The following CCDC28A variants were observed in gnomAD, a reference collection of about 807,000 sequenced individuals.
CCDC28A encodes the protein coiled-coil domain-containing protein 28A.
A neutral mutation model predicts 22.1 loss-of-function variants in CCDC28A; 24 were observed. The observed-to-expected ratio is 1.09, with a 90% confidence interval of 0.79 to 1.53. CCDC28A has a LOEUF of 1.53. CCDC28A is among the 40% of genes most tolerant of loss of function. The pLI is 0.00. For synonymous variants in CCDC28A, 83 were observed against 74.7 expected (o/e 1.11, Z -0.57); for missense variants, 170 against 210.7 (o/e 0.81, Z 1.20).
intron 5 of CCDC28A, among the ~76,000 whole-genome samples, 180 bp downstream of exon 5, chr6:138,788,568 C>CATTTT (rs1775126888): frequency 1.1e-5 from 1 of 92,980 alleles, no homozygotes; most frequent in African/African-American, 5.1e-5. Context: ...TTTTTCTTTT[C>CATTTT]TTTTTTTTTT....
chr6:138,779,780 T>A (rs1400424881), intron 2 of CCDC28A, 42 bp from the exon 3 acceptor site: 1 of 1,515,576 alleles, frequency 6.6e-7, no homozygotes, highest in Non-Finnish European at 8.9e-7. Flanking sequence ...AAAAGCTTAA[T>A]CTAGAATAGC....
At chr6:138,777,094 A>G (rs1477728607) in intron 2 of CCDC28A, among the ~76,000 whole-genome samples, 1 of 152,188 alleles carries the variant, frequency 6.6e-6, no homozygotes, top group Non-Finnish European at 1.5e-5. Flanking sequence ...TTATAGCTTT[A>G]GAGGAAAAAA....
At chr6:138,783,876 C>CT (rs577197452) in intron 3 of CCDC28A, among the ~76,000 whole-genome samples, 4,867 of 125,436 alleles carry the variant, frequency 0.039, 173 homozygotes, top group Non-Finnish European at 0.045. Flanking sequence ...AGCCAGAACT[C>CT]TTTTTTTTTT....
At chr6:138,788,973 G>A (rs188329456) in intron 5 of CCDC28A, among the ~76,000 whole-genome samples, 99 of 152,160 alleles carry the variant, frequency 6.5e-4, no homozygotes, top group Non-Finnish European at 1.1e-3. Flanking sequence ...TCATCACATA[G>A]GATATTTTAG....
At chr6:138,791,658 C>G (rs1211990181) in intron 5 of CCDC28A, among the ~76,000 whole-genome samples, 1 of 152,148 alleles carries the variant, frequency 6.6e-6, no homozygotes, top group Non-Finnish European at 1.5e-5. Flanking sequence ...TCAGGTTGTA[C>G]CTCCTACCTA....
chr6:138,784,058 T>TAAAA (rs1775058861), intron 3 of CCDC28A, among the ~76,000 whole-genome samples: 3 of 151,922 alleles, frequency 2.0e-5, no homozygotes, highest in Admixed American at 2.0e-4. Flanking sequence ...GCTGATTTTT[T>TAAAA]GTATTTTTAG....
chr6:138,779,910 T>C lies in CCDC28A; in HGVS notation c.247T>C (p.Ser83Pro). 6.2e-7 allele frequency: 1 copy of C among 1,614,002 alleles called. No homozygotes were observed. The highest frequency in any genetic ancestry group is 8.5e-7 in the Non-Finnish European group (1 of 1,179,866). Residue 83 changes from serine (S) to proline (P), a missense_variant, in exon 3 of 6, where the codon TCA (serine) becomes CCA (proline). Physicochemically the swap from Ser to Pro is moderately conservative, Grantham distance 74 (BLOSUM62 -1). Transcript: ENST00000617445. Reference protein sequence around the residue: ...PIQHSFLTDVSDVQEMERGLL... With the variant: ...PIQHSFLTDVPDVQEMERGLL... The stretch of plus-strand genomic sequence containing the variant: ...CCAGCACTCCTTCCTCACTGATGTC[T>C]CAGATGTTCAGGAGATGGAGAGAGG...
At chr6:138,782,575 CTT>C (rs1316194016) in intron 3 of CCDC28A, among the ~76,000 whole-genome samples, 20 of 152,312 alleles carry the variant, frequency 1.3e-4, no homozygotes, top group African/African-American at 4.1e-4. Context: ...ATTTCTACCT[CTT>C]TATATTTTTA....
At chr6:138,785,515 A>G in intron 4 of CCDC28A, 134 bp downstream of exon 4, 1 of 631,156 alleles carries the variant, frequency 1.6e-6, no homozygotes, top group Middle Eastern at 2.6e-4. Context: ...TCGCTGTTGA[A>G]TTGCGGAACA....
chr6:138,783,294 TAG>T, intron 3 of CCDC28A, among the ~76,000 whole-genome samples: 1 of 142,852 alleles, frequency 7.0e-6, no homozygotes, highest in East Asian at 2.1e-4. Context: ...TTTTTTGAGA[TAG>T]AGTCTCTGTC....
intron 2 of CCDC28A, 144 bp downstream of exon 2, chr6:138,776,422 T>A: frequency 3.1e-6 from 2 of 650,792 alleles, no homozygotes; most frequent in Non-Finnish European, 5.3e-6. Flanking sequence ...AAGAAAAATT[T>A]ATGAAAGTTA....
intron 3 of CCDC28A, among the ~76,000 whole-genome samples, chr6:138,784,278 T>A (rs1456242643): frequency 1.3e-5 from 2 of 152,180 alleles, no homozygotes; most frequent in Non-Finnish European, 2.9e-5. Context: ...GGTGCTGTTT[T>A]GCTTCTACAT....
intron 2 of CCDC28A, among the ~76,000 whole-genome samples, chr6:138,777,456 C>T (rs371458095): frequency 2.4e-4 from 37 of 152,210 alleles, no homozygotes; most frequent in African/African-American, 3.6e-4. Flanking sequence ...AAAAAGAAAA[C>T]GAAGAGATTT....
At chr6:138,779,391 G>A (rs966919617) in intron 2 of CCDC28A, among the ~76,000 whole-genome samples, 1 of 152,092 alleles carries the variant, frequency 6.6e-6, no homozygotes, top group Non-Finnish European at 1.5e-5. Context: ...CTCTTTAGAC[G>A]GGGCATTTGT....
chr6:138,786,592 C>T (rs1775096208), intron 4 of CCDC28A, among the ~76,000 whole-genome samples: 1 of 152,112 alleles, frequency 6.6e-6, no homozygotes, highest in African/African-American at 2.4e-5. Flanking sequence ...CTTACTCAGT[C>T]TTGCAAGTAT....
intron 2 of CCDC28A, among the ~76,000 whole-genome samples, chr6:138,778,546 A>G (rs1051220343): frequency 6.6e-6 from 1 of 152,224 alleles, no homozygotes; most frequent in Admixed American, 6.5e-5. Context: ...GGCCTTCCTG[A>G]GGAAATAGCA....
chr6:138,790,314 C>A (rs35030927), intron 5 of CCDC28A, among the ~76,000 whole-genome samples: 37,794 of 151,976 alleles, frequency 0.25, 5,858 homozygotes, highest in East Asian at 0.62. Context: ...CCACGTCCAG[C>A]TAATTTTTGT....
At chr6:138,786,782 A>C (rs1357088622) in intron 4 of CCDC28A, among the ~76,000 whole-genome samples, 1 of 152,024 alleles carries the variant, frequency 6.6e-6, no homozygotes, top group Admixed American at 6.5e-5. Context: ...CGCCCAGCTA[A>C]TTTTTTTATT....
At chr6:138,786,814 C>G (rs574645030) in intron 4 of CCDC28A, among the ~76,000 whole-genome samples, 17 of 152,316 alleles carry the variant, frequency 1.1e-4, no homozygotes, top group South Asian at 6.2e-4. Context: ...TAGGGTTTCA[C>G]CATGTTGTAC....
Sources: gnomAD v4.1 joint callset for allele counts (sites outside exome capture counted in the v4.1 genomes callset) on GRCh38, gnomAD v4.1.1 for gene constraint, MANE v1.5 for transcripts, NCBI Gene and HGNC (gene_info 2026-07-23, HGNC 2026-07-21) for gene names.